The following TNN variants were observed in gnomAD, a reference collection of about 807,000 sequenced individuals.
TNN encodes tenascin-N.
TNN carries 122 observed loss-of-function variants against 134.4 expected under a neutral mutation model. The ratio of observed to expected loss-of-function variants is 0.91; its 90% CI spans 0.78 to 1.06. The LOEUF (loss-of-function observed/expected upper bound fraction) is 1.06. Among genes scored for constraint, TNN ranks in the 50% least tolerant of loss-of-function variants. The probability of loss-of-function intolerance (pLI) is 0.00; values close to 1 mark genes in which losing one functional copy is unlikely to be tolerated. For synonymous variants in TNN, 710 were observed against 670.3 expected, an observed-to-expected ratio of 1.06 and a Z score of -0.91; for missense variants, 1,739 against 1,699.4, an observed-to-expected ratio of 1.02 and a Z score of -0.41.
Position 175,118,574 on chromosome 1 carries a change from C to G in TNN, c.2400C>G (p.Pro800=). 6.2e-7 allele frequency: 1 copy of G among 1,613,920 alleles called. No individual in the cohort carries two copies. Among genetic ancestry groups the G allele is most frequent in the Non-Finnish European group, 8.5e-7 (1 of 1,179,924 alleles). The stretch of plus-strand genomic sequence containing the variant: ...TTTTTTTTTCAGACATTGACAGCCC[C>G]CAAAACCTGGTCACTGACTGGGTGA... ...DTKAQTDIDS[P]QNLVTDWVTE... Residue 800 remains proline (P), a synonymous_variant, in exon 11 of 19, where the codon CCC becomes CCG. Coordinates refer to ENST00000239462, the MANE Select transcript of TNN (RefSeq NM_022093.2).
At chr1:175,132,297 G>A (rs375043964) in intron 15 of TNN, among the ~76,000 whole-genome samples, 10 of 152,158 alleles carry the variant, frequency 6.6e-5, no homozygotes, top group South Asian at 4.1e-4. Flanking sequence ...AGATTTATGC[G>A]TGGTCTTTGT....
chr1:175,119,709 A>T (rs923940986), intron 11 of TNN, among the ~76,000 whole-genome samples: 2 of 140,928 alleles, frequency 1.4e-5, no homozygotes, highest in Non-Finnish European at 3.0e-5. Flanking sequence ...ATCTCGGCTC[A>T]CTGCAAGCTC....
intron 7 of TNN, among the ~76,000 whole-genome samples, chr1:175,095,251 A>C (rs1327384114): frequency 1.3e-5 from 2 of 152,200 alleles, no homozygotes; most frequent in Non-Finnish European, 2.9e-5. Context: ...GGTGATATCT[A>C]AATCTGTTTA....
intron 14 of TNN, 141 bp downstream of exon 14, chr1:175,128,305 G>T (rs1675583904): frequency 1.1e-6 from 1 of 885,558 alleles, no homozygotes; most frequent in East Asian, 2.7e-5. Context: ...GGGGTTGTGT[G>T]TTCAAAAGAA....
At chr1:175,078,864 C>G (rs1674117983) in intron 2 of TNN, among the ~76,000 whole-genome samples, 1 of 152,182 alleles carries the variant, frequency 6.6e-6, no homozygotes, top group South Asian at 2.1e-4. Context: ...GCTCATTTCA[C>G]AAGGTCCCAG....
intron 1 of TNN, among the ~76,000 whole-genome samples, chr1:175,068,877 C>T (rs1466347761): frequency 6.6e-6 from 1 of 152,174 alleles, no homozygotes; most frequent in Non-Finnish European, 1.5e-5. Context: ...CATTGCACTC[C>T]AGCCTGGGCA....
intron 17 of TNN, among the ~76,000 whole-genome samples, chr1:175,142,584 C>T: frequency 6.6e-6 from 1 of 151,928 alleles, no homozygotes; most frequent in East Asian, 1.9e-4. Flanking sequence ...TTCTGTAGGT[C>T]TGGGCTGGGG....
At chr1:175,105,239 G>T (rs1417258883) in intron 9 of TNN, among the ~76,000 whole-genome samples, 1 of 145,996 alleles carries the variant, frequency 6.8e-6, no homozygotes, top group Non-Finnish European at 1.5e-5. Context: ...AGGATCATCT[G>T]AAAACTTCCC....
rs1674079753 is a variant in TNN, at chr1:175,077,638, G to A, written c.220G>A (p.Ala74Thr). Reference protein sequence around the residue: ...PLSDDGASLLALGEAREEQNI... With the variant: ...PLSDDGASLLTLGEAREEQNI... ...CAGTGACGATGGGGCTTCGCTCTTG[G>A]CCCTGGGGGAGGCCAGGGAGGAACA... The change falls in exon 2 of 19, where the codon GCC (alanine) becomes ACC (threonine). Residue 74 changes from alanine to threonine, a missense_variant. Physicochemically the swap from Ala to Thr is moderately conservative, Grantham distance 58 (BLOSUM62 0). Coordinates refer to ENST00000239462, the MANE Select transcript of TNN (RefSeq NM_022093.2). The A allele has an allele frequency of 1.2e-6, 2 of 1,614,206 alleles. No homozygotes were observed. Among genetic ancestry groups the A allele is most frequent in the Middle Eastern group, 1.7e-4 (1 of 6,060 alleles).
At chr1:175,086,703 A>G (rs1574144940) in intron 6 of TNN, among the ~76,000 whole-genome samples, 1 of 152,362 alleles carries the variant, frequency 6.6e-6, no homozygotes, top group East Asian at 1.9e-4. Flanking sequence ...TATCTGCAGT[A>G]TGAAACAGTT....
Position 175,083,737 on chromosome 1 carries a change from A to T in TNN, c.1049-13A>T. ...TTCACCACTTTCTCTTGCCTCCGTC[A>T]CCCCTGCCCTAGACCTTGCTGTGCT... On this transcript the variant is annotated splice_polypyrimidine_tract_variant and intron_variant, in intron 4 of 18. Transcript: ENST00000239462. 6.2e-7 allele frequency: 1 copy of T among 1,610,578 alleles called. No individual in the cohort carries two copies. Among genetic ancestry groups the T allele is most frequent in the Non-Finnish European group, 8.5e-7 (1 of 1,177,996 alleles).
chr1:175,110,851 GT>G, intron 9 of TNN, among the ~76,000 whole-genome samples: 1 of 152,278 alleles, frequency 6.6e-6, no homozygotes, highest in Admixed American at 6.5e-5. Context: ...GCTATTTGGG[GT>G]CTTCTGTGGT....
chr1:175,115,736 A>G (rs920018206), intron 9 of TNN, among the ~76,000 whole-genome samples: 3 of 152,246 alleles, frequency 2.0e-5, no homozygotes, highest in East Asian at 3.9e-4. Context: ...TGTTGGCTCC[A>G]TTTCTGAGGG....
chr1:175,128,006 TG>T, intron 13 of TNN, 25 bp from the exon 14 acceptor site: 1 of 1,613,958 alleles, frequency 6.2e-7, no homozygotes, highest in African/African-American at 1.3e-5. Context: ...AGTCACTGGC[TG>T]TCTAATCTCT....
chr1:175,073,757 G>A (rs1219035375), intron 1 of TNN, among the ~76,000 whole-genome samples: 4 of 152,236 alleles, frequency 2.6e-5, no homozygotes, highest in Admixed American at 1.3e-4. Flanking sequence ...GGTTCCCTCT[G>A]TTGGATGCCC....
chr1:175,072,926 C>CTTTTTTTTTTT (rs60879960), intron 1 of TNN, among the ~76,000 whole-genome samples: 208 of 46,772 alleles, frequency 4.4e-3, no homozygotes, highest in Non-Finnish European at 5.4e-3. Flanking sequence ...GAGTCCACGG[C>CTTTTTTTTTTT]TTTTTTTTTT....
chr1:175,096,067 A>G (rs1223497522), intron 7 of TNN, among the ~76,000 whole-genome samples: 1 of 152,234 alleles, frequency 6.6e-6, no homozygotes, highest in Non-Finnish European at 1.5e-5. Context: ...CTCTGGGTAG[A>G]GAAGACAAGT....
intron 4 of TNN, among the ~76,000 whole-genome samples, chr1:175,081,740 G>A (rs1674201917): frequency 1.3e-5 from 2 of 152,150 alleles, no homozygotes; most frequent in Admixed American, 6.5e-5. Flanking sequence ...CACACTATGG[G>A]GGACCATAGA....
intron 15 of TNN, among the ~76,000 whole-genome samples, chr1:175,131,988 T>C (rs1675686318): frequency 6.6e-6 from 1 of 150,848 alleles, no homozygotes. Context: ...GCTTGGGCAC[T>C]GGGTTCACTG....
Sources: allele counts gnomAD v4.1 joint callset (sites outside exome capture counted in the v4.1 genomes callset), GRCh38; gene constraint gnomAD v4.1.1; transcripts MANE v1.5; gene names NCBI Gene and HGNC (gene_info 2026-07-23, HGNC 2026-07-21).